The following YLPM1 variants were observed in gnomAD, a reference collection of about 807,000 sequenced individuals.
YLPM1 encodes the protein YLP motif-containing protein 1.
In YLPM1, 99 loss-of-function variants were observed where a neutral mutation model predicts 230.0. The observed-to-expected ratio is 0.43, with a 90% CI of 0.37 to 0.51. The LOEUF (loss-of-function observed/expected upper bound fraction) is 0.51, where lower values mean the gene tolerates loss of function less well. YLPM1 is among the 20% of genes least tolerant of loss of function. The pLI, the probability that YLPM1 is intolerant of heterozygous loss-of-function variation, is 0.00. For synonymous variants in YLPM1, 984 were observed against 942.5 expected (o/e 1.04, Z -0.81); for missense variants, 2,592 against 2,707.7 (o/e 0.96, Z 0.95).
intron 16 of YLPM1, among the ~76,000 whole-genome samples, chr14:74,820,066 ATCT>A (rs1249969352): frequency 1.3e-5 from 2 of 152,188 alleles, no homozygotes; most frequent in South Asian, 2.1e-4. Context: ...GATTTTTATA[ATCT>A]TCTTTTTACT....
Position 74,763,545 on chromosome 14 carries a change from T to TCCGGA in YLPM1, c.58_59insGGACC (p.Pro20ArgfsTer34). The stretch of plus-strand genomic sequence containing the variant: ...AGCAGCCACTATCCGCCGCCACCGG[T>TCCGGA]CCCACCGCCGCCGCCAGTGGCGCTT... On this transcript the variant is annotated frameshift_variant, in exon 1 of 21. Coordinates refer to ENST00000325680, the MANE Select transcript of YLPM1 (RefSeq NM_019589.3). LOFTEE classifies it high-confidence loss of function. 1 of 1,531,746 alleles carries TCCGGA rather than the reference T, an allele frequency of 6.5e-7. No homozygotes were observed. Among genetic ancestry groups the TCCGGA allele is most frequent in the Non-Finnish European group, 8.8e-7 (1 of 1,138,318 alleles). 94.9% of individuals were successfully genotyped at this position (1,531,746 alleles called of 1,614,324 possible).
chr14:74,781,321 C>T lies in YLPM1; in HGVS notation c.1291-13C>T. The T allele has an allele frequency of 6.6e-7, 1 of 1,514,076 alleles. No individual in the cohort carries two copies. Among genetic ancestry groups the T allele is most frequent in the Non-Finnish European group, 8.8e-7 (1 of 1,132,796 alleles). 93.8% of individuals were successfully genotyped at this position (1,514,076 alleles called of 1,614,324 possible). A position where few individuals can be genotyped will look rare whatever the true frequency, so the allele number is the denominator to read the frequency against. On this transcript the variant is annotated splice_polypyrimidine_tract_variant and intron_variant, in intron 3 of 20. Transcript: ENST00000325680. ...TGAATGGTTTTAAATAGTTTTTATC[C>T]CTTTATTTGTAGACCATGTCTGTAG...
At position 74,763,501 on chromosome 14, in the gene YLPM1, T is replaced by A; in HGVS notation, c.12T>A (p.Asn4Lys). ...CCTTCTTTTTCGATATGTACCCGAA[T>A]TGGGGCCGGTATGGCGGGAGCAGCC... MYP[N>K]WGRYGGSSHY... The change falls in exon 1 of 21, where the codon AAT becomes AAA. Residue 4 changes from asparagine to lysine, a missense_variant. Asn to Lys is a moderately conservative substitution (Grantham distance 94). This residue lies in a region of YLPM1 where 1,862 missense variants were observed against 1,819.8 expected (regional missense o/e 1.02). Coordinates refer to ENST00000325680, the MANE Select transcript of YLPM1 (RefSeq NM_019589.3). The A allele has an allele frequency of 6.7e-7, 1 of 1,492,298 alleles. No individual in the cohort carries two copies. The highest frequency in any genetic ancestry group is 8.9e-7 in the Non-Finnish European group (1 of 1,117,606). 92.4% of individuals were successfully genotyped at this position (1,492,298 alleles called of 1,614,324 possible). A position where few individuals can be genotyped will look rare whatever the true frequency, so the allele number is the denominator to read the frequency against.
chr14:74,799,465 G>A lies in YLPM1; in HGVS notation c.4168G>A (p.Val1390Ile), dbSNP rs971749817. 5 of 1,613,884 alleles carry A rather than the reference G, an allele frequency of 3.1e-6. No homozygotes were observed. The highest frequency in any genetic ancestry group is 2.7e-5 in the African/African-American group (2 of 74,908). Residue 1390 changes from valine to isoleucine, a missense_variant, in exon 5 of 21, where the codon GTT becomes ATT. Physicochemically the swap from Val to Ile is conservative, Grantham distance 29 (BLOSUM62 3). Around this residue, in one of 4 missense-constraint regions of YLPM1, gnomAD observed 1,862 missense variants for 1,819.8 expected, o/e 1.02. Coordinates refer to ENST00000325680, the MANE Select transcript of YLPM1 (RefSeq NM_019589.3). The part of the protein sequence containing the change: ...GDTWREKRDY[V>I]PDRMDWERER... ...TACATGGCGGGAAAAGCGAGATTAT[G>A]TTCCTGACAGAATGGACTGGGAAAG...
At chr14:74,773,882 T>TA (rs2091005066) in intron 1 of YLPM1, among the ~76,000 whole-genome samples, 1 of 151,822 alleles carries the variant, frequency 6.6e-6, no homozygotes, top group South Asian at 2.1e-4. Context: ...CACCACACCC[T>TA]ACTAATTTTT....
Position 74,809,526 on chromosome 14 carries a change from T to A in YLPM1, c.4668T>A (p.Pro1556=). ...CACCTCCACCTCCTCCACCTCTACC[T>A]CCTCCTCCTCCAGTGATAAAGCCAC... ...IPPPPPPPPL[P]PPPPVIKPQT... The change falls in exon 7 of 21, where the codon CCT becomes CCA. Residue 1556 remains proline (P), a synonymous_variant. Transcript: ENST00000325680. 1 of 1,587,700 alleles carries A rather than the reference T, an allele frequency of 6.3e-7. No homozygotes were observed. The highest frequency in any genetic ancestry group is 8.6e-7 in the Non-Finnish European group (1 of 1,166,334).
intron 9 of YLPM1, among the ~76,000 whole-genome samples, chr14:74,810,842 C>CG (rs1201042102): frequency 6.6e-6 from 1 of 152,030 alleles, no homozygotes; most frequent in African/African-American, 2.4e-5. Context: ...TGTATGGAGA[C>CG]GGGGTCTCTC....
Position 74,835,796 on chromosome 14 carries a change from T to C in YLPM1, c.*58T>C. On this transcript the variant is annotated 3_prime_UTR_variant, in exon 21 of 21. Coordinates refer to ENST00000325680, the MANE Select transcript of YLPM1 (RefSeq NM_019589.3). ...CCAGGTGGTTCGCTTTGAGGTGGTC[T>C]GAAGCCAAGGCCTCGCGGAGCTTCT... The C allele has an allele frequency of 2.2e-6, 1 of 456,274 alleles. No individual in the cohort carries two copies. The highest frequency in any genetic ancestry group is 4.4e-6 in the Non-Finnish European group (1 of 227,544). 28.3% of individuals were successfully genotyped at this position (456,274 alleles called of 1,614,324 possible).
chr14:74,767,242 T>C (rs1168773206), intron 1 of YLPM1, among the ~76,000 whole-genome samples: 1 of 152,234 alleles, frequency 6.6e-6, no homozygotes, highest in Admixed American at 6.5e-5. Context: ...TTTCTTGGTA[T>C]CATCTAATAC....
chr14:74,801,273 C>T (rs1476094618), intron 5 of YLPM1, among the ~76,000 whole-genome samples: 1 of 151,958 alleles, frequency 6.6e-6, no homozygotes, highest in Non-Finnish European at 1.5e-5. Context: ...AGTGTAAAGT[C>T]GTAAGGAGTA....
chr14:74,800,904 A>G (rs1411905839), intron 5 of YLPM1, among the ~76,000 whole-genome samples: 1 of 152,200 alleles, frequency 6.6e-6, no homozygotes, highest in East Asian at 1.9e-4. Flanking sequence ...AGGCCTGCAA[A>G]GATAAGGTAG....
At chr14:74,781,288 A>G in intron 3 of YLPM1, 46 bp from the exon 4 acceptor site, 2 of 1,464,200 alleles carry the variant, frequency 1.4e-6, no homozygotes, top group Admixed American at 2.7e-5. Flanking sequence ...ATGATTAATT[A>G]TCTTATATGA....
At chr14:74,782,810 C>T (rs1032146883) in intron 4 of YLPM1, among the ~76,000 whole-genome samples, 2 of 152,068 alleles carry the variant, frequency 1.3e-5, no homozygotes, top group African/African-American at 4.8e-5. Context: ...ATTTAAGTTC[C>T]TGCTCTTGTA....
At chr14:74,801,224 A>T (rs1274308025) in intron 5 of YLPM1, among the ~76,000 whole-genome samples, 1 of 152,208 alleles carries the variant, frequency 6.6e-6, no homozygotes, top group Non-Finnish European at 1.5e-5. Context: ...GGAGTGATGG[A>T]TAATGTCATA....
chr14:74,802,550 T>C lies in YLPM1; in HGVS notation c.4401-6T>C, dbSNP rs1336659298. The C allele has an allele frequency of 3.7e-6, 6 of 1,609,144 alleles. No homozygotes were observed. The highest frequency in any genetic ancestry group is 5.1e-6 in the Non-Finnish European group (6 of 1,178,434). ...TATGTACTATGTCAATTTTATTTGT[T>C]TGCAGGGAACAGAAAGAACAGCTTC... On this transcript the variant is annotated splice_region_variant and splice_polypyrimidine_tract_variant and intron_variant, in intron 5 of 20. Transcript: ENST00000325680.
chr14:74,811,484 A>C, intron 9 of YLPM1, 136 bp from the exon 10 acceptor site: 4 of 318,780 alleles, frequency 1.3e-5, no homozygotes, highest in Non-Finnish European at 1.7e-5. Context: ...CCCCAATCTC[A>C]AAAAAAAAAA....
At chr14:74,823,630 A>G (rs562139277) in intron 17 of YLPM1, among the ~76,000 whole-genome samples, 2 of 152,258 alleles carry the variant, frequency 1.3e-5, no homozygotes, top group African/African-American at 2.4e-5. Context: ...CTAGTTTTCA[A>G]CTGATAAAAA....
At chr14:74,772,604 G>A (rs956264340) in intron 1 of YLPM1, among the ~76,000 whole-genome samples, 10 of 152,144 alleles carry the variant, frequency 6.6e-5, no homozygotes, top group East Asian at 1.9e-4. Context: ...TGATCCGCCC[G>A]CCTTGGCCTC....
chr14:74,820,010 T>C (rs1198763235), intron 16 of YLPM1, among the ~76,000 whole-genome samples: 1 of 152,242 alleles, frequency 6.6e-6, no homozygotes, highest in East Asian at 1.9e-4. Context: ...GATTGAATTA[T>C]ATTACTATCT....
Sources: gnomAD v4.1 joint callset for allele counts (sites outside exome capture counted in the v4.1 genomes callset) on GRCh38, gnomAD v4.1.1 for gene constraint, gnomAD v4.1.1 regional missense constraint, MANE v1.5 for transcripts, NCBI Gene and HGNC (gene_info 2026-07-23, HGNC 2026-07-21) for gene names.